The following XKR6 variants were observed in gnomAD, a reference collection of about 807,000 sequenced individuals.
The protein encoded by XKR6 is XK related 6, also known as XK-related protein 6.
In XKR6, 22 loss-of-function variants were observed where a neutral mutation model predicts 56.7. The ratio of observed to expected loss-of-function variants is 0.39; its 90% CI spans 0.28 to 0.55. The LOEUF (loss-of-function observed/expected upper bound fraction) is 0.55. Among genes scored for constraint, XKR6 ranks in the 20% least tolerant of loss-of-function variants. XKR6 has a pLI of 0.66. For missense variants in XKR6, 852 were observed against 889.0 expected (o/e 0.96, Z 0.53); for synonymous variants, 524 against 387.8 (o/e 1.35, Z -4.13).
At chr8:10,902,119 C>CT (rs1209509397) in intron 2 of XKR6, among the ~76,000 whole-genome samples, 7 of 152,188 alleles carry the variant, frequency 4.6e-5, no homozygotes, top group Admixed American at 4.6e-4. Context: ...GCAGTTGCGG[C>CT]TTCTAGAATT....
chr8:11,030,574 C>T (rs1798969364), intron 1 of XKR6, among the ~76,000 whole-genome samples: 1 of 152,176 alleles, frequency 6.6e-6, no homozygotes, highest in Non-Finnish European at 1.5e-5. Context: ...TGCCAACCCA[C>T]CAGCAATGAC....
chr8:11,066,235 CT>C (rs1799975012), intron 1 of XKR6, among the ~76,000 whole-genome samples: 1 of 152,238 alleles, frequency 6.6e-6, no homozygotes, highest in Non-Finnish European at 1.5e-5. Context: ...TTCTCACCCC[CT>C]CTCTCCTGTC....
At chr8:11,193,746 C>CA (rs1034996556) in intron 1 of XKR6, among the ~76,000 whole-genome samples, 1 of 139,000 alleles carries the variant, frequency 7.2e-6, no homozygotes, top group African/African-American at 2.6e-5. Flanking sequence ...TGACCCCCCC[C>CA]CCCCCACAAA....
At chr8:11,091,346 G>A (rs1212833241) in intron 1 of XKR6, among the ~76,000 whole-genome samples, 1 of 152,058 alleles carries the variant, frequency 6.6e-6, no homozygotes, top group African/African-American at 2.4e-5. Flanking sequence ...GCTGAGGTAG[G>A]AGGATCACTT....
chr8:11,077,555 C>T (rs1324740791), intron 1 of XKR6, among the ~76,000 whole-genome samples: 1 of 152,228 alleles, frequency 6.6e-6, no homozygotes, highest in Non-Finnish European at 1.5e-5. Context: ...TGATGCTTCA[C>T]TGTGCACCAG....
chr8:10,963,363 C>T (rs984721469), intron 1 of XKR6, among the ~76,000 whole-genome samples: 5 of 152,206 alleles, frequency 3.3e-5, no homozygotes, highest in Non-Finnish European at 7.3e-5. Flanking sequence ...GTTCCACCTC[C>T]CCTTATCTGC....
At chr8:11,171,060 T>C (rs1272743312) in intron 1 of XKR6, among the ~76,000 whole-genome samples, 2 of 152,236 alleles carry the variant, frequency 1.3e-5, no homozygotes, top group African/African-American at 4.8e-5. Context: ...AGAAAATGTT[T>C]CACCATCTTT....
chr8:11,086,392 A>G (rs1362109613), intron 1 of XKR6, among the ~76,000 whole-genome samples: 1 of 152,134 alleles, frequency 6.6e-6, no homozygotes, highest in East Asian at 1.9e-4. Flanking sequence ...AGTGGGTGCT[A>G]TTCGCTGTTA....
rs75615611 is a variant in XKR6 at position 10,964,876 on chromosome 8, G to A, written c.765-40046C>T. Among the ~76,000 whole-genome samples, 76 of 152,352 alleles carry A rather than the reference G, an allele frequency of 5.0e-4. 1 individual carries two copies. In the East Asian group the frequency reaches 0.014, roughly 29 times the overall value. On this transcript the variant is annotated intron_variant, in intron 1 of 2. Coordinates refer to ENST00000416569, the MANE Select transcript of XKR6 (RefSeq NM_173683.4). ...TTCCCCTGACATAGCCCACGTCTGT[G>A]AGAACTGCATTCGGACTTAGTTTCC...
intron 1 of XKR6, among the ~76,000 whole-genome samples, chr8:10,955,077 C>T (rs911325389): frequency 2.6e-5 from 4 of 152,040 alleles, no homozygotes; most frequent in African/African-American, 9.6e-5. Flanking sequence ...CCATGTTGGC[C>T]AGGTTGGTCT....
intron 1 of XKR6, among the ~76,000 whole-genome samples, chr8:11,029,661 G>T (rs1026194939): frequency 1.3e-5 from 2 of 152,102 alleles, no homozygotes; most frequent in Non-Finnish European, 2.9e-5. Flanking sequence ...CTTCACAGCA[G>T]CCCAGTTGAC....
At chr8:11,161,822 C>G (rs940217180) in intron 1 of XKR6, among the ~76,000 whole-genome samples, 1 of 152,000 alleles carries the variant, frequency 6.6e-6, no homozygotes, top group Non-Finnish European at 1.5e-5. Flanking sequence ...CATCAGGTAC[C>G]TGCAACTCAA....
intron 1 of XKR6, among the ~76,000 whole-genome samples, chr8:10,988,759 T>A (rs968721333): frequency 2.6e-5 from 4 of 152,222 alleles, no homozygotes; most frequent in Non-Finnish European, 4.4e-5. Flanking sequence ...AGAGAGTTAA[T>A]GGTCCCAATT....
chr8:11,107,006 G>A (rs1284081461), intron 1 of XKR6, among the ~76,000 whole-genome samples: 1 of 151,946 alleles, frequency 6.6e-6, no homozygotes. Flanking sequence ...ACTCTTTAAG[G>A]CAACTGAAAA....
At chr8:11,033,574 G>A (rs1338214485) in intron 1 of XKR6, among the ~76,000 whole-genome samples, 3 of 152,130 alleles carry the variant, frequency 2.0e-5, no homozygotes, top group African/African-American at 4.8e-5. Context: ...TATGGTGATG[G>A]TGATGATACT....
At chr8:10,994,597 T>G (rs1415615106) in intron 1 of XKR6, among the ~76,000 whole-genome samples, 2 of 152,226 alleles carry the variant, frequency 1.3e-5, no homozygotes, top group African/African-American at 4.8e-5. Context: ...GGGAGTAACC[T>G]GTGTGTTATT....
At chr8:11,010,705 G>A (rs868700155) in intron 1 of XKR6, among the ~76,000 whole-genome samples, 2 of 152,060 alleles carry the variant, frequency 1.3e-5, no homozygotes, top group South Asian at 4.2e-4. Context: ...CCAGTTCCAA[G>A]ATTCGTGCTT....
rs550717775 is a variant in XKR6, at chr8:11,064,065, T to A, written c.764+136511A>T. ...CATCAGTCCTTCCCTTTCTACTGCG[T>A]TTGGGTTCTCTCTCTTTCATGTATC... On this transcript the variant is annotated intron_variant, in intron 1 of 2. Transcript: ENST00000416569. Among the ~76,000 whole-genome samples, 3 of 152,332 alleles carry A rather than the reference T, an allele frequency of 2.0e-5. No individual in the cohort carries two copies. The South Asian group carries it at 6.2e-4, about 32-fold the overall frequency.
chr8:10,899,280 G>A (rs1244144863), intron 2 of XKR6, among the ~76,000 whole-genome samples: 1 of 152,232 alleles, frequency 6.6e-6, no homozygotes, highest in Non-Finnish European at 1.5e-5. Context: ...ATGTGCGGCT[G>A]GCATTGGCGT....
Sources: allele counts gnomAD v4.1 joint callset (sites outside exome capture counted in the v4.1 genomes callset), GRCh38; gene constraint gnomAD v4.1.1; transcripts MANE v1.5; gene names NCBI Gene and HGNC (gene_info 2026-07-23, HGNC 2026-07-21).